Variants in PACRG observed in about 807,000 individuals in gnomAD.
The protein encoded by PACRG is parkin coregulated, also known as parkin coregulated gene protein.
In PACRG, 29 loss-of-function variants were observed where a neutral mutation model predicts 29.7. The ratio of observed to expected loss-of-function variants is 0.98; its 90% CI spans 0.73 to 1.33. The LOEUF (loss-of-function observed/expected upper bound fraction) is 1.33. Ranked by LOEUF, PACRG falls within the 40% of genes most tolerant of loss-of-function variation. PACRG has a pLI of 0.00. For synonymous variants in PACRG, 116 were observed against 118.7 expected (o/e 0.98, Z 0.15); for missense variants, 279 against 316.2 (o/e 0.88, Z 0.89).
At chr6:162,988,362 T>C (rs1803098104) in intron 2 of PACRG, among the ~76,000 whole-genome samples, 2 of 152,154 alleles carry the variant, frequency 1.3e-5, no homozygotes, top group African/African-American at 4.8e-5. Context: ...AGATGCAGGT[T>C]CAGCATAGGT....
intron 3 of PACRG, among the ~76,000 whole-genome samples, chr6:163,088,892 T>C (rs919297009): frequency 1.2e-4 from 18 of 152,178 alleles, no homozygotes; most frequent in Non-Finnish European, 2.4e-4. Flanking sequence ...GATTGTTGCA[T>C]GAAAATGTAT....
Position 163,313,878 on chromosome 6 carries a change from G to A in PACRG, c.614-949G>A, listed in dbSNP as rs543575916. 2.0e-5 allele frequency: 3 copies of A among 152,228 alleles called. No homozygotes were observed. The South Asian group carries it at 6.2e-4, about 31-fold the overall frequency. 9.4% of individuals were successfully genotyped at this position (152,228 alleles called of 1,614,324 possible). A position where few individuals can be genotyped will look rare whatever the true frequency, so the allele number is the denominator to read the frequency against. On this transcript the variant is annotated intron_variant, in intron 4 of 4. Transcript: ENST00000366888. The stretch of plus-strand genomic sequence containing the variant: ...TGGAATACAACAGAAAGCGTGGAAT[G>A]ACTATCGTTAGAGAAAACAATTGTG...
intron 4 of PACRG, among the ~76,000 whole-genome samples, chr6:163,226,035 GA>G (rs1276691706): frequency 6.6e-6 from 1 of 152,040 alleles, no homozygotes; most frequent in Non-Finnish European, 1.5e-5. Context: ...AAAATAAAAA[GA>G]AGGAAATCCT....
intron 2 of PACRG, among the ~76,000 whole-genome samples, chr6:163,053,544 G>A (rs953453878): frequency 6.6e-6 from 1 of 152,088 alleles, no homozygotes; most frequent in African/African-American, 2.4e-5. Context: ...ACTCAGAATA[G>A]CCAATTAAAC....
chr6:163,045,836 G>A (rs868578988), intron 2 of PACRG, among the ~76,000 whole-genome samples: 4 of 151,488 alleles, frequency 2.6e-5, no homozygotes, highest in African/African-American at 7.3e-5. Flanking sequence ...GTATGGTCTC[G>A]ATCTCTTGAC....
intron 2 of PACRG, among the ~76,000 whole-genome samples, chr6:162,966,477 ATTTT>A (rs67914954): frequency 3.2e-5 from 4 of 125,180 alleles, no homozygotes; most frequent in African/African-American, 2.9e-5. Flanking sequence ...AATGACATGT[ATTTT>A]TTTTTTTTTT....
At chr6:162,970,764 T>C (rs1425989051) in intron 2 of PACRG, among the ~76,000 whole-genome samples, 1 of 152,170 alleles carries the variant, frequency 6.6e-6, no homozygotes, top group Non-Finnish European at 1.5e-5. Flanking sequence ...ATCAAAGGAA[T>C]GAAATACTTC....
intron 2 of PACRG, among the ~76,000 whole-genome samples, chr6:162,889,597 G>A (rs939837031): frequency 6.6e-6 from 1 of 152,196 alleles, no homozygotes; most frequent in Non-Finnish European, 1.5e-5. Flanking sequence ...TGTCTTCTGT[G>A]ATTATACAGC....
intron 4 of PACRG, among the ~76,000 whole-genome samples, chr6:163,270,313 G>A (rs554001759): frequency 4.6e-5 from 7 of 152,036 alleles, no homozygotes; most frequent in Non-Finnish European, 7.4e-5. Context: ...ATATCATCAC[G>A]AAAACTTAAA....
chr6:162,871,570 C>G (rs1476324564), intron 2 of PACRG, among the ~76,000 whole-genome samples: 1 of 152,098 alleles, frequency 6.6e-6, no homozygotes, highest in African/African-American at 2.4e-5. Flanking sequence ...TATATGTTTT[C>G]AAATACCAGC....
intron 1 of PACRG, among the ~76,000 whole-genome samples, chr6:162,761,962 C>A (rs1430076824): frequency 6.8e-6 from 1 of 146,854 alleles, no homozygotes; most frequent in Non-Finnish European, 1.5e-5. Context: ...AGAAACCCCC[C>A]CCCAAAAAAA....
intron 4 of PACRG, among the ~76,000 whole-genome samples, chr6:163,257,507 T>C (rs1783160418): frequency 6.6e-6 from 1 of 152,232 alleles, no homozygotes; most frequent in Non-Finnish European, 1.5e-5. Context: ...TCAGTTCCAC[T>C]CATTTAAATT....
intron 2 of PACRG, among the ~76,000 whole-genome samples, chr6:162,989,594 CA>C (rs1012776670): frequency 6.6e-6 from 1 of 151,906 alleles, no homozygotes; most frequent in East Asian, 1.9e-4. Context: ...AAATCATAAC[CA>C]AAAAAATGTC....
At chr6:163,204,930 C>T (rs1585330555) in intron 4 of PACRG, among the ~76,000 whole-genome samples, 1 of 152,238 alleles carries the variant, frequency 6.6e-6, no homozygotes, top group Non-Finnish European at 1.5e-5. Context: ...CAACAACAGC[C>T]AAGCTGAGAG....
chr6:163,259,552 G>A (rs1260875705), intron 4 of PACRG, among the ~76,000 whole-genome samples: 1 of 152,080 alleles, frequency 6.6e-6, no homozygotes, highest in South Asian at 2.1e-4. Context: ...AGACAGCTCC[G>A]AATTCTTCCT....
rs1055293532 is a variant in PACRG, at chr6:162,777,671, G to A, written c.157-36476G>A. Among the ~76,000 whole-genome samples, 1 of 152,026 alleles carries A rather than the reference G, an allele frequency of 6.6e-6. No individual in the cohort carries two copies. The highest frequency in any genetic ancestry group is 1.5e-5 in the Non-Finnish European group (1 of 68,018). On this transcript the variant is annotated intron_variant, in intron 1 of 4. Transcript: ENST00000366888. This position sits in a 1 kb window ranked among gnomAD's most constrained non-coding sequence, Gnocchi z 4.0. The stretch of plus-strand genomic sequence containing the variant: ...AATTTGGTGCCTGTGATTTCATAAG[G>A]AAATATTTTATTTTATACTTTTACT...
chr6:163,035,050 T>G (rs890056209), intron 2 of PACRG, among the ~76,000 whole-genome samples: 3 of 152,182 alleles, frequency 2.0e-5, no homozygotes, highest in Admixed American at 6.5e-5. Flanking sequence ...ACTTGTAAAC[T>G]GTCATGGTGC....
chr6:163,265,529 T>A (rs1035283288), intron 4 of PACRG, among the ~76,000 whole-genome samples: 1 of 152,234 alleles, frequency 6.6e-6, no homozygotes, highest in African/African-American at 2.4e-5. Flanking sequence ...TTGTGAGGAT[T>A]AAATGAGTTA....
intron 1 of PACRG, among the ~76,000 whole-genome samples, chr6:162,738,799 A>G (rs1267192459): frequency 1.3e-5 from 2 of 152,172 alleles, no homozygotes; most frequent in Non-Finnish European, 2.9e-5. Flanking sequence ...GTTTCCCCAT[A>G]CACTTTGATA....
Sources: gnomAD v4.1 joint callset for allele counts (sites outside exome capture counted in the v4.1 genomes callset) on GRCh38, gnomAD v4.1.1 for gene constraint, Gnocchi (gnomAD v3.1) non-coding constraint, MANE v1.5 for transcripts, NCBI Gene and HGNC (gene_info 2026-07-23, HGNC 2026-07-21) for gene names.